JAM3: variants seen among roughly 807,000 people sequenced by gnomAD.
The protein encoded by JAM3 is junctional adhesion molecule 3.
A neutral mutation model predicts 39.4 loss-of-function variants in JAM3; 31 were observed. The ratio of observed to expected loss-of-function variants is 0.79; its 90% CI spans 0.59 to 1.06. The LOEUF is 1.06. JAM3 is among the 50% of genes least tolerant of loss of function. The pLI is 0.00. For missense variants in JAM3, 455 were observed against 391.4 expected (o/e 1.16, Z -1.37); for synonymous variants, 182 against 148.7 (o/e 1.22, Z -1.63).
intron 1 of JAM3, chr11:134,123,703 TGAG>T (rs1253666761): frequency 1.2e-5 from 6 of 496,252 alleles, no homozygotes; most frequent in East Asian, 1.1e-4. Flanking sequence ...GGAGAGTGGT[TGAG>T]GAGTAGTGAA....
intron 1 of JAM3, among the ~76,000 whole-genome samples, chr11:134,101,425 A>T (rs918057990): frequency 1.4e-4 from 22 of 152,230 alleles, no homozygotes; most frequent in Non-Finnish European, 2.6e-4. Context: ...AAGAAGTGAG[A>T]TGAGAACTGA....
chr11:134,148,566 A>G lies in JAM3; in HGVS notation c.732A>G (p.Gly244=), dbSNP rs759991628. The G allele has an allele frequency of 6.2e-7, 1 of 1,613,936 alleles. No homozygotes were observed. The highest frequency in any genetic ancestry group is 8.5e-7 in the Non-Finnish European group (1 of 1,180,032). The stretch of plus-strand genomic sequence containing the variant: ...CTTCAGATGACCTGAACATTGGCGG[A>G]ATTATTGGGGGGGTTCTGGTTGTCC... The part of the protein sequence containing the change: ...EMEVYDLNIG[G]IIGGVLVVLA... The change falls in exon 7 of 9, where the codon GGA becomes GGG. Residue 244 remains glycine, a synonymous_variant. Transcript: ENST00000299106.
chr11:134,071,398 CGGT>C (rs1432417826), intron 1 of JAM3, among the ~76,000 whole-genome samples: 1 of 152,084 alleles, frequency 6.6e-6, no homozygotes, highest in Non-Finnish European at 1.5e-5. Flanking sequence ...TTCCATTTGA[CGGT>C]GGAGTTCTTT....
At chr11:134,144,416 G>A (rs1943031712) in intron 4 of JAM3, 23 bp downstream of exon 4, 2 of 1,613,710 alleles carry the variant, frequency 1.2e-6, no homozygotes, top group Admixed American at 3.3e-5. Flanking sequence ...GCGAAGGTGA[G>A]ACATTGCCAC....
chr11:134,120,090 G>T (rs2120767426), intron 1 of JAM3, among the ~76,000 whole-genome samples: 1 of 151,430 alleles, frequency 6.6e-6, no homozygotes, highest in African/African-American at 2.4e-5. Flanking sequence ...ATTGGTGAAG[G>T]AACTAAGACA....
chr11:134,130,359 C>T (rs1428080067), intron 1 of JAM3, among the ~76,000 whole-genome samples: 1 of 152,068 alleles, frequency 6.6e-6, no homozygotes, highest in Non-Finnish European at 1.5e-5. Flanking sequence ...TTTTCCCCTA[C>T]TTAAAATAAG....
At chr11:134,070,133 A>G (rs1207271354) in intron 1 of JAM3, 2 of 456,168 alleles carry the variant, frequency 4.4e-6, no homozygotes, top group Admixed American at 2.3e-5. Flanking sequence ...TACTCCTTTC[A>G]GCAGCTCTGT....
chr11:134,139,245 A>C (rs1338441277), intron 1 of JAM3, among the ~76,000 whole-genome samples: 4 of 152,334 alleles, frequency 2.6e-5, no homozygotes, highest in Middle Eastern at 3.4e-3. Context: ...CAATGATATA[A>C]ACTCAGCTTC....
chr11:134,140,042 GC>G, intron 2 of JAM3, 126 bp downstream of exon 2: 1 of 775,188 alleles, frequency 1.3e-6, no homozygotes, highest in East Asian at 2.6e-5. Flanking sequence ...GGACTGCTCT[GC>G]GGTGCACAGG....
At chr11:134,114,371 G>T (rs1942380643) in intron 1 of JAM3, among the ~76,000 whole-genome samples, 1 of 152,146 alleles carries the variant, frequency 6.6e-6, no homozygotes, top group African/African-American at 2.4e-5. Flanking sequence ...TAAGGTGTGA[G>T]GAACGGATCC....
In JAM3 at chr11:134,150,977, G is replaced by T. The variant is rs1045569848; in HGVS notation, c.*1796G>T. Reference sequence around the variant, plus strand: ...CGCCGGAGACACTGCTCCCATTTGTGGGGGGACATTAGCAACATCACTCAG... The same window carrying T: ...CGCCGGAGACACTGCTCCCATTTGTTGGGGGACATTAGCAACATCACTCAG... On this transcript the variant is annotated 3_prime_UTR_variant, in exon 9 of 9. Coordinates refer to ENST00000299106, the MANE Select transcript of JAM3 (RefSeq NM_032801.5). The T allele has an allele frequency of 6.6e-6, 1 of 152,194 alleles. No homozygotes were observed. Among genetic ancestry groups the T allele is most frequent in the Non-Finnish European group, 1.5e-5 (1 of 68,042 alleles). 9.4% of individuals were successfully genotyped at this position (152,194 alleles called of 1,614,324 possible). A position where few individuals can be genotyped will look rare whatever the true frequency, so the allele number is the denominator to read the frequency against.
intron 1 of JAM3, among the ~76,000 whole-genome samples, chr11:134,074,564 G>A (rs1591766372): frequency 6.6e-6 from 1 of 152,106 alleles, no homozygotes; most frequent in East Asian, 1.9e-4. Context: ...ACTTTTGGGT[G>A]GGGGAGTCAG....
Position 134,149,538 on chromosome 11 carries a change from C to G in JAM3, c.*357C>G. On this transcript the variant is annotated 3_prime_UTR_variant, in exon 9 of 9. Coordinates refer to ENST00000299106, the MANE Select transcript of JAM3 (RefSeq NM_032801.5). Reference sequence around the variant, plus strand: ...GGCCCTGTGAAGCCAGCATGTTCACCACTGGTCGTTCAGCAGCCACGACAG... The same window carrying G: ...GGCCCTGTGAAGCCAGCATGTTCACGACTGGTCGTTCAGCAGCCACGACAG... 5 of 501,272 alleles carry G rather than the reference C, an allele frequency of 1.0e-5. No individual in the cohort carries two copies. Among genetic ancestry groups the G allele is most frequent in the Non-Finnish European group, 1.2e-5 (3 of 258,058 alleles). 31.1% of individuals were successfully genotyped at this position (501,272 alleles called of 1,614,324 possible).
intron 1 of JAM3, among the ~76,000 whole-genome samples, chr11:134,098,269 A>G (rs778307524): frequency 2.6e-5 from 4 of 152,208 alleles, no homozygotes; most frequent in Non-Finnish European, 4.4e-5. Flanking sequence ...AGGAGTGGAC[A>G]CAAAAGTTCA....
intron 1 of JAM3, among the ~76,000 whole-genome samples, chr11:134,103,964 A>G (rs1202453580): frequency 6.6e-6 from 1 of 152,184 alleles, no homozygotes; most frequent in Non-Finnish European, 1.5e-5. Flanking sequence ...GACAAAGTTA[A>G]CAAGGATATC....
chr11:134,100,621 G>A (rs1942056772), intron 1 of JAM3, among the ~76,000 whole-genome samples: 1 of 152,140 alleles, frequency 6.6e-6, no homozygotes, highest in Admixed American at 6.6e-5. Flanking sequence ...CACCTAGAAA[G>A]CAGTTCTCTA....
chr11:134,149,020 G>A (rs373748670), intron 8 of JAM3, 126 bp from the exon 9 acceptor site: 22 of 1,172,220 alleles, frequency 1.9e-5, no homozygotes, highest in African/African-American at 3.0e-5. Flanking sequence ...CTTTGCAAGC[G>A]CTAGTGATGG....
chr11:134,073,275 A>G (rs1176542998), intron 1 of JAM3, among the ~76,000 whole-genome samples: 1 of 152,194 alleles, frequency 6.6e-6, no homozygotes, highest in Non-Finnish European at 1.5e-5. Flanking sequence ...AGTATTTGTT[A>G]TGTGTTATAT....
intron 1 of JAM3, among the ~76,000 whole-genome samples, chr11:134,109,947 A>C (rs1489665560): frequency 6.6e-6 from 1 of 152,166 alleles, no homozygotes; most frequent in Non-Finnish European, 1.5e-5. Context: ...CTTTTGGCAG[A>C]GTGAAGTGGG....
Sources: allele counts gnomAD v4.1 joint callset (sites outside exome capture counted in the v4.1 genomes callset), GRCh38; gene constraint gnomAD v4.1.1; transcripts MANE v1.5; gene names NCBI Gene and HGNC (gene_info 2026-07-23, HGNC 2026-07-21).